BDP1: variants seen among roughly 807,000 people sequenced by gnomAD.
BDP1 encodes the protein transcription factor TFIIIB component B'' homolog.
In BDP1, 169 loss-of-function variants were observed where a neutral mutation model predicts 266.6. The ratio of observed to expected loss-of-function variants is 0.63; its 90% CI spans 0.56 to 0.72. BDP1 has a LOEUF of 0.72. Ranked by LOEUF, BDP1 falls within the 30% of genes least tolerant of loss-of-function variation. The probability of loss-of-function intolerance (pLI) is 0.00; values close to 1 mark genes in which losing one functional copy is unlikely to be tolerated. For synonymous variants in BDP1, 1,090 were observed against 1,022.4 expected (o/e 1.07, Z -1.26); for missense variants, 3,015 against 3,053.8 (o/e 0.99, Z 0.30).
intron 28 of BDP1, among the ~76,000 whole-genome samples, chr5:71,540,468 C>T (rs753679627): frequency 6.6e-6 from 1 of 152,144 alleles, no homozygotes; most frequent in Non-Finnish European, 1.5e-5. Context: ...GTTGGGATTA[C>T]AATCGCATGC....
intron 16 of BDP1, among the ~76,000 whole-genome samples, chr5:71,507,609 A>G (rs191965205): frequency 3.9e-5 from 6 of 152,344 alleles, no homozygotes; most frequent in African/African-American, 1.4e-4. Flanking sequence ...ATCTCTTCCC[A>G]TGGTACCCAA....
intron 28 of BDP1, among the ~76,000 whole-genome samples, chr5:71,540,547 C>T (rs1033045765): frequency 4.6e-5 from 7 of 152,106 alleles, no homozygotes; most frequent in African/African-American, 9.7e-5. Context: ...AGGCTGGTCT[C>T]GAACTGCTGA....
At chr5:71,466,760 A>C (rs944874799) in intron 5 of BDP1, among the ~76,000 whole-genome samples, 2 of 152,126 alleles carry the variant, frequency 1.3e-5, no homozygotes, top group Admixed American at 6.5e-5. Context: ...TTTTTTTTTA[A>C]AAGATGATAA....
Position 71,486,506 on chromosome 5 carries a change from C to T in BDP1, c.1092C>T (p.Phe364=), listed in dbSNP as rs750825886. The T allele has an allele frequency of 2.7e-5, 41 of 1,535,602 alleles. No individual in the cohort carries two copies. Among genetic ancestry groups the T allele is most frequent in the East Asian group, 5.1e-5 (2 of 39,352 alleles). Residue 364 remains phenylalanine (F), a synonymous_variant, in exon 9 of 39, where the codon TTC becomes TTT. Coordinates refer to ENST00000358731, the MANE Select transcript of BDP1 (RefSeq NM_018429.3). ...KAFQEKRPFD[F]DFFAHLLQKV... ...CAGAGGAAAAGCGCCCTTTTGACTT[C>T]GATTTTTTTGCTCATTTGCTTCAGA...
rs765018043 is a variant in BDP1, at chr5:71,458,888, C to G, written c.489+33C>G. 1.0e-5 allele frequency: 16 copies of G among 1,578,502 alleles called. No individual in the cohort carries two copies. The African/African-American group carries it at 1.5e-4, about 15-fold the overall frequency. ...AGGAGAATCAGGATTTTGATGTTGCCTTCTATTTATGTTAGTAAGGAATCA... is the reference window on the plus strand; with the variant it reads ...AGGAGAATCAGGATTTTGATGTTGCGTTCTATTTATGTTAGTAAGGAATCA... On this transcript the variant is annotated intron_variant, in intron 2 of 38. Transcript: ENST00000358731.
chr5:71,458,817 C>A lies in BDP1; in HGVS notation c.451C>A (p.Leu151Met). The change falls in exon 2 of 39, where the codon CTG (leucine) becomes ATG (methionine). Residue 151 changes from leucine (L) to methionine (M), a missense_variant. Physicochemically the swap from Leu to Met is conservative, Grantham distance 15 (BLOSUM62 2). Transcript: ENST00000358731. ...DRYRIYKAQK[L>M]REMLKEELRK... is the part of the protein sequence containing the mutation. ...ATACCGAATATACAAAGCCCAGAAA[C>A]TGAGGGAAATGTTAAAAGAAGAATT... The A allele has an allele frequency of 6.2e-7, 1 of 1,612,656 alleles. No individual in the cohort carries two copies. The highest frequency in any genetic ancestry group is 1.1e-5 in the South Asian group (1 of 90,604).
At chr5:71,471,951 A>G (rs1561677907) in intron 7 of BDP1, among the ~76,000 whole-genome samples, 1 of 152,260 alleles carries the variant, frequency 6.6e-6, no homozygotes, top group Non-Finnish European at 1.5e-5. Flanking sequence ...GGAACTTTAT[A>G]TTCTTCATGT....
In BDP1 at chr5:71,509,837, G is replaced by C. The variant is rs545273365; in HGVS notation, c.2745G>C (p.Thr915=). Residue 915 remains threonine (T), a synonymous_variant, in exon 17 of 39, where the codon ACG becomes ACC. Transcript: ENST00000358731. ...MGREICLREK[T]PEVIDATEEI... is the part of the protein sequence containing the mutation. ...GAGAGATTTGTCTAAGGGAGAAGAC[G>C]CCAGAGGTGATTGATGCCACTGAGG... is the stretch of plus-strand genomic sequence containing the variant. 6.2e-7 allele frequency: 1 copy of C among 1,613,814 alleles called. No individual in the cohort carries two copies. Among genetic ancestry groups the C allele is most frequent in the Non-Finnish European group, 8.5e-7 (1 of 1,179,934 alleles).
downstream of BDP1, among the ~76,000 whole-genome samples, chr5:71,568,565 T>G (rs573250873): frequency 3.8e-4 from 58 of 152,226 alleles, no homozygotes; most frequent in African/African-American, 1.4e-3. Flanking sequence ...AACTTCTGGG[T>G]GCGAGCAATC....
downstream of BDP1, among the ~76,000 whole-genome samples, chr5:71,571,296 C>G (rs565875027): frequency 1.5e-4 from 23 of 152,250 alleles, no homozygotes; most frequent in African/African-American, 5.3e-4. Flanking sequence ...AGGTGCATGC[C>G]ACCGTGCCTG....
intron 35 of BDP1, among the ~76,000 whole-genome samples, chr5:71,553,788 T>C (rs469617): frequency 0.48 from 72,931 of 152,032 alleles, 17,771 homozygotes; most frequent in South Asian, 0.55. Flanking sequence ...TGCTGATTTT[T>C]GTCTCTAGTC....
At chr5:71,462,529 G>T (rs1394555558) in intron 3 of BDP1, among the ~76,000 whole-genome samples, 1 of 152,100 alleles carries the variant, frequency 6.6e-6, no homozygotes, top group Non-Finnish European at 1.5e-5. Context: ...CAAGGTGTGT[G>T]GGCCGCCTGA....
chr5:71,560,172 T>G lies in BDP1; in HGVS notation c.7431T>G (p.Thr2477=). ...EMIVSDKEER[T]DAAPKSQQMD... ...TTGTGTCTGATAAGGAAGAAAGAAC[T>G]GATGCTGCTCCTAAGTCTCAGCAAA... The change falls in exon 37 of 39, where the codon ACT becomes ACG. Residue 2477 remains threonine (T), a synonymous_variant. Coordinates refer to ENST00000358731, the MANE Select transcript of BDP1 (RefSeq NM_018429.3). 6.2e-7 allele frequency: 1 copy of G among 1,614,112 alleles called. No homozygotes were observed. Among genetic ancestry groups the G allele is most frequent in the Non-Finnish European group, 8.5e-7 (1 of 1,179,972 alleles).
At position 71,510,213 on chromosome 5, in the gene BDP1, G is replaced by C; in HGVS notation, c.3121G>C (p.Glu1041Gln). The change falls in exon 17 of 39, where the codon GAA becomes CAA. Residue 1041 changes from glutamate (E) to glutamine (Q), a missense_variant. By Grantham distance (29) the Glu-to-Gln change is conservative. Coordinates refer to ENST00000358731, the MANE Select transcript of BDP1 (RefSeq NM_018429.3). Reference protein sequence around the residue: ...ATEEIDLEETEREVSPQENGL... With the variant: ...ATEEIDLEETQREVSPQENGL... ...TGAGGAAATAGATTTGGAAGAAACT[G>C]AAAGAGAAGTATCCCCACAGGAAAA... is the stretch of plus-strand genomic sequence containing the variant. 4 of 1,612,920 alleles carry C rather than the reference G, an allele frequency of 2.5e-6. No individual in the cohort carries two copies. Among genetic ancestry groups the C allele is most frequent in the Middle Eastern group, 1.7e-4 (1 of 6,048 alleles).
chr5:71,512,204 T>A (rs758082102), intron 17 of BDP1, 37 bp from the exon 18 acceptor site: 1 of 1,138,872 alleles, frequency 8.8e-7, no homozygotes, highest in South Asian at 2.9e-5. Flanking sequence ...TTAAATACTC[T>A]TTTATTTGTG....
intron 3 of BDP1, 32 bp downstream of exon 3, chr5:71,461,958 CTTTTTT>C (rs370261571): frequency 8.9e-4 from 396 of 443,508 alleles, no homozygotes; most frequent in Middle Eastern, 2.3e-3. Context: ...TTTACTATCT[CTTTTTT>C]TTTTTTTTTT....
chr5:71,487,850 C>G (rs1285674927), intron 9 of BDP1, among the ~76,000 whole-genome samples: 1 of 152,184 alleles, frequency 6.6e-6, no homozygotes, highest in Non-Finnish European at 1.5e-5. Flanking sequence ...GGAACCCTTC[C>G]CAGAACCAAA....
At chr5:71,461,694 A>T (rs571825021) in intron 2 of BDP1, 123 bp from the exon 3 acceptor site, 50 of 562,988 alleles carry the variant, frequency 8.9e-5, no homozygotes, top group African/African-American at 7.3e-4. Flanking sequence ...AAATTACATA[A>T]TTGGGGTGAG....
intron 4 of BDP1, 134 bp from the exon 5 acceptor site, chr5:71,465,962 C>T (rs1336905843): frequency 1.1e-6 from 1 of 881,578 alleles, no homozygotes; most frequent in South Asian, 2.1e-5. Context: ...ATAACACATA[C>T]TGTTTTCATT....
Sources: gnomAD v4.1 joint callset for allele counts (sites outside exome capture counted in the v4.1 genomes callset) on GRCh38, gnomAD v4.1.1 for gene constraint, MANE v1.5 for transcripts, NCBI Gene and HGNC (gene_info 2026-07-23, HGNC 2026-07-21) for gene names.